Variants in SHBG observed in about 807,000 individuals in gnomAD.
SHBG encodes sex hormone binding globulin, also known as sex hormone-binding globulin.
In SHBG, 37 loss-of-function variants were observed where a neutral mutation model predicts 41.9. That is an observed-to-expected ratio of 0.88 (90% CI 0.68 to 1.16). SHBG has a LOEUF of 1.16. Among genes scored for constraint, SHBG ranks in the 50% most tolerant of loss-of-function variants. SHBG has a pLI of 0.00. For synonymous variants in SHBG, 217 were observed against 205.8 expected, an observed-to-expected ratio of 1.05 and a Z score of -0.47; for missense variants, 466 against 499.9, an observed-to-expected ratio of 0.93 and a Z score of 0.65.
chr17:7,615,945 G>A (rs1428154448), intron 1 of SHBG, among the ~76,000 whole-genome samples: 1 of 152,034 alleles, frequency 6.6e-6, no homozygotes, highest in Non-Finnish European at 1.5e-5. Flanking sequence ...TCAGGCGGTG[G>A]ATCACTTGAG....
At chr17:7,625,619 G>A (rs113686155), upstream of SHBG, among the ~76,000 whole-genome samples, 19 of 151,838 alleles carry the variant, frequency 1.3e-4, no homozygotes, top group African/African-American at 4.1e-4. Context: ...GGCTGGGCGC[G>A]GTGGCTCACA....
upstream of SHBG, among the ~76,000 whole-genome samples, chr17:7,628,389 G>A (rs2072292765): frequency 6.6e-6 from 1 of 151,280 alleles, no homozygotes; most frequent in East Asian, 1.9e-4. Flanking sequence ...TCAGCCTCCG[G>A]AGTAGCTGGA....
At chr17:7,621,576 G>A (rs2072097124) in intron 1 of SHBG, among the ~76,000 whole-genome samples, 1 of 123,476 alleles carries the variant, frequency 8.1e-6, no homozygotes, top group Non-Finnish European at 1.7e-5. Context: ...ACTCCAGCCT[G>A]GGGGCAACAG....
upstream of SHBG, among the ~76,000 whole-genome samples, chr17:7,629,441 C>G (rs768572075): frequency 6.6e-6 from 1 of 151,974 alleles, no homozygotes; most frequent in African/African-American, 2.4e-5. Context: ...GTGATTTCTA[C>G]TGCTAGACTG....
rs77506065 is a variant in SHBG, at chr17:7,615,487, C to T, written c.-62+1376C>T. Among the ~76,000 whole-genome samples, 717 of 152,326 alleles carry T rather than the reference C, an allele frequency of 4.7e-3. 5 individuals are homozygous for T. Among genetic ancestry groups the T allele is most frequent in the African/African-American group, 0.016 (670 of 41,580 alleles). ...GTAGATTTAACAGTCATGGCTCTTACCTTGAAGAGATTGTGATACAATGAA... is the reference window on the plus strand; with the variant it reads ...GTAGATTTAACAGTCATGGCTCTTATCTTGAAGAGATTGTGATACAATGAA... On this transcript the variant is annotated intron_variant, in intron 1 of 5. Coordinates refer to the SHBG transcript ENST00000570547.
intron 1 of SHBG, among the ~76,000 whole-genome samples, chr17:7,616,542 G>A (rs565387767): frequency 1.3e-5 from 2 of 148,664 alleles, no homozygotes; most frequent in South Asian, 2.1e-4. Flanking sequence ...GGAGAATGGC[G>A]TGAACCCAGG....
chr17:7,624,518 G>A (rs1473440096), upstream of SHBG, among the ~76,000 whole-genome samples: 1 of 152,076 alleles, frequency 6.6e-6, no homozygotes, highest in Non-Finnish European at 1.5e-5. Context: ...GGGATTATAA[G>A]GATGAACCAC....
upstream of SHBG, among the ~76,000 whole-genome samples, chr17:7,624,099 G>A (rs1003280900): frequency 8.6e-5 from 13 of 151,842 alleles, no homozygotes; most frequent in Non-Finnish European, 1.5e-4. Context: ...TTACAGGCTT[G>A]CACCACCAAG....
At chr17:7,624,320 T>C (rs1468749552), upstream of SHBG, among the ~76,000 whole-genome samples, 4 of 152,074 alleles carry the variant, frequency 2.6e-5, no homozygotes, top group Non-Finnish European at 5.9e-5. Flanking sequence ...CAATCTCAGC[T>C]CACTGCAACC....
Position 7,632,967 on chromosome 17 carries a change from A to G in SHBG, c.1060+8A>G. On this transcript the variant is annotated splice_region_variant and intron_variant, in intron 7 of 7. Transcript: ENST00000380450. ...TCCTGGGGGCTTTACCAGGTAAGAG[A>G]GAATGATGTTCAAGTTCATGAGCAC... 6.2e-7 allele frequency: 1 copy of G among 1,611,180 alleles called. No individual in the cohort carries two copies. Among genetic ancestry groups the G allele is most frequent in the African/African-American group, 1.3e-5 (1 of 74,996 alleles).
At chr17:7,632,065 A>G in intron 6 of SHBG, 50 bp downstream of exon 6, 1 of 1,593,278 alleles carries the variant, frequency 6.3e-7, no homozygotes, top group African/African-American at 1.3e-5. Context: ...GCCTGGAGCA[A>G]TGAGGGAAGA....
chr17:7,622,214 G>A (rs901490490), intron 1 of SHBG, among the ~76,000 whole-genome samples: 1 of 151,540 alleles, frequency 6.6e-6, no homozygotes, highest in African/African-American at 2.4e-5. Context: ...CCCTTAGAAT[G>A]GACAGAACCC....
rs539304593 is a variant in SHBG, at chr17:7,615,190, C to A, written c.-62+1079C>A. Among the ~76,000 whole-genome samples the A allele has an allele frequency of 1.1e-4, 17 of 152,258 alleles. No homozygotes were observed. In the South Asian group the frequency reaches 2.1e-3, roughly 19 times the overall value. ...GCCGGGCTCGCTCAGTCCGATTGGG[C>A]GGCGTCCGCACAGTCACACAGCGCT... On this transcript the variant is annotated intron_variant, in intron 1 of 5. Transcript: ENST00000570547.
At chr17:7,626,859 C>A (rs574625954), upstream of SHBG, 4 of 1,607,380 alleles carry the variant, frequency 2.5e-6, no homozygotes, top group East Asian at 2.2e-5. Flanking sequence ...GAAAATGACA[C>A]CGGCTGGGCT....
chr17:7,626,998 T>C (rs777908686), upstream of SHBG: 2 of 1,613,888 alleles, frequency 1.2e-6, no homozygotes, highest in Non-Finnish European at 1.7e-6. Flanking sequence ...GTCCCTTCCA[T>C]GTACTGTAGA....
chr17:7,614,182 G>C (rs886461066), intron 1 of SHBG: 12 of 663,034 alleles, frequency 1.8e-5, no homozygotes, highest in African/African-American at 3.5e-5. Flanking sequence ...TGCGGAGCGG[G>C]GAGCGCCAAG....
intron 1 of SHBG, chr17:7,614,613 T>G: frequency 1.2e-6 from 1 of 855,366 alleles, no homozygotes; most frequent in Non-Finnish European, 1.6e-6. Flanking sequence ...CCCCGGCGTC[T>G]CCCCGGAGGA....
upstream of SHBG, chr17:7,627,656 A>C: frequency 6.2e-7 from 1 of 1,613,696 alleles, no homozygotes; most frequent in Non-Finnish European, 8.5e-7. This position sits in a 1 kb window ranked among gnomAD's most constrained non-coding sequence, Gnocchi z 4.8. Context: ...GCTGTCTGGG[A>C]CCAAAGTCCC....
At chr17:7,623,368 C>T (rs1453298177), upstream of SHBG, among the ~76,000 whole-genome samples, 2 of 152,196 alleles carry the variant, frequency 1.3e-5, no homozygotes, top group East Asian at 1.9e-4. Context: ...CCAACCTGGG[C>T]AACAAGAGTG....
Sources: gnomAD v4.1 joint callset for allele counts (sites outside exome capture counted in the v4.1 genomes callset) on GRCh38, gnomAD v4.1.1 for gene constraint, Gnocchi (gnomAD v3.1) non-coding constraint, MANE v1.5 for transcripts, NCBI Gene and HGNC (gene_info 2026-07-23, HGNC 2026-07-21) for gene names.